Variants in SP100 observed in about 807,000 individuals in gnomAD.
The protein encoded by SP100 is nuclear autoantigen Sp-100.
In SP100, 84 loss-of-function variants were observed where a neutral mutation model predicts 130.0. The observed-to-expected ratio is 0.65, with a 90% CI of 0.54 to 0.77. SP100 has a LOEUF of 0.77. SP100 is among the 30% of genes least tolerant of loss of function. The probability of loss-of-function intolerance (pLI) is 0.00; values close to 1 mark genes in which losing one functional copy is unlikely to be tolerated. For missense variants in SP100, 978 were observed against 1,052.2 expected (o/e 0.93, Z 0.97); for synonymous variants, 331 against 351.7 (o/e 0.94, Z 0.66).
chr2:230,504,131 G>A (rs2067190461), intron 20 of SP100, 55 bp from the exon 21 acceptor site: 1 of 913,124 alleles, frequency 1.1e-6, no homozygotes, highest in Non-Finnish European at 1.8e-6. Flanking sequence ...GGTGGGGAGG[G>A]ACAATGCACA....
chr2:230,503,308 A>G (rs1181084152), intron 20 of SP100, among the ~76,000 whole-genome samples, 198 bp downstream of exon 20: 1 of 152,106 alleles, frequency 6.6e-6, no homozygotes, highest in African/African-American at 2.4e-5. Context: ...TCAACCCCTC[A>G]TGCAGGGTTC....
At chr2:230,438,832 C>T (rs1361250842) in intron 2 of SP100, among the ~76,000 whole-genome samples, 1 of 151,998 alleles carries the variant, frequency 6.6e-6, no homozygotes, top group African/African-American at 2.4e-5. Context: ...AACGCGTGTG[C>T]AAATGTCTTT....
chr2:230,540,874 A>C lies in SP100; in HGVS notation c.2211-2A>C, dbSNP rs775250158. The C allele has an allele frequency of 2.5e-6, 4 of 1,610,548 alleles. No homozygotes were observed. The highest frequency in any genetic ancestry group is 3.4e-6 in the Non-Finnish European group (4 of 1,177,736). ...TTGCTCACTTTATGCCCCATCTCTC[A>C]GGAACCCGTGGAGTTGCATCTTCTG... On this transcript the variant is annotated splice_acceptor_variant, in intron 25 of 28. Coordinates refer to ENST00000340126, the MANE Select transcript of SP100 (RefSeq NM_001080391.2). LOFTEE classifies it high-confidence loss of function.
chr2:230,527,203 C>G (rs1691472131), intron 24 of SP100, among the ~76,000 whole-genome samples: 1 of 152,170 alleles, frequency 6.6e-6, no homozygotes, highest in Admixed American at 6.6e-5. Flanking sequence ...CAAAGGGAAG[C>G]CCATCAGACT....
chr2:230,467,309 G>A (rs910447981), intron 13 of SP100, 94 bp downstream of exon 13: 376 of 875,438 alleles, frequency 4.3e-4, no homozygotes, highest in Non-Finnish European at 1.4e-4. Context: ...CTATCCAGGA[G>A]CCAGTTCTCT....
rs200532450 is a variant in SP100, at chr2:230,442,963, A to G, written c.134A>G (p.Asp45Gly). Residue 45 changes from aspartate to glycine, a missense_variant, in exon 3 of 29, where the codon GAT (aspartate) becomes GGT (glycine). Physicochemically the swap from Asp to Gly is moderately conservative, Grantham distance 94 (BLOSUM62 -1). Coordinates refer to ENST00000340126, the MANE Select transcript of SP100 (RefSeq NM_001080391.2). ...QRMFTEDQGV[D>G]DRLLYDIVFK... ...ATGTTCACGGAAGACCAGGGTGTAG[A>G]TGACAGGCTGCTCTATGACATTGTA... The G allele has an allele frequency of 1.3e-4, 204 of 1,614,028 alleles. No individual in the cohort carries two copies. In the Middle Eastern group the frequency reaches 3.0e-3, roughly 23 times the overall value.
At chr2:230,455,875 G>A (rs1270407188) in intron 8 of SP100, among the ~76,000 whole-genome samples, 1 of 152,094 alleles carries the variant, frequency 6.6e-6, no homozygotes, top group Admixed American at 6.5e-5. Context: ...AATTTTGATT[G>A]CCTACAAAAA....
intron 12 of SP100, among the ~76,000 whole-genome samples, chr2:230,466,612 T>G (rs1032720294): frequency 2.0e-5 from 3 of 152,126 alleles, no homozygotes; most frequent in Admixed American, 6.5e-5. Context: ...TAGTAGAAGT[T>G]TGTATTTTTT....
intron 8 of SP100, among the ~76,000 whole-genome samples, chr2:230,456,276 G>A (rs1215495184): frequency 2.0e-5 from 3 of 152,104 alleles, no homozygotes; most frequent in African/African-American, 7.2e-5. Context: ...AAAGTCCACT[G>A]TTGTCCTTAT....
chr2:230,444,658 C>T (rs1348916892), intron 4 of SP100, among the ~76,000 whole-genome samples: 2 of 152,160 alleles, frequency 1.3e-5, no homozygotes, highest in African/African-American at 2.4e-5. Flanking sequence ...CAGTGGGAGC[C>T]CTTGCAGTGG....
At chr2:230,483,141 T>C (rs1039326224) in intron 17 of SP100, among the ~76,000 whole-genome samples, 2 of 152,178 alleles carry the variant, frequency 1.3e-5, no homozygotes, top group Admixed American at 1.3e-4. Flanking sequence ...ACATTCTACT[T>C]AGGGTATATA....
chr2:230,533,187 C>T (rs967730868), intron 24 of SP100, among the ~76,000 whole-genome samples: 2 of 152,146 alleles, frequency 1.3e-5, no homozygotes, highest in Non-Finnish European at 2.9e-5. Flanking sequence ...ATTATTTATC[C>T]TCATGCTAAA....
chr2:230,431,280 G>T (rs2063091786), intron 2 of SP100, among the ~76,000 whole-genome samples: 1 of 152,196 alleles, frequency 6.6e-6, no homozygotes, highest in African/African-American at 2.4e-5. Context: ...ACAGAATTGG[G>T]CCTCCTAAGA....
In SP100 at chr2:230,440,019, G is replaced by A. The variant is rs114317504; in HGVS notation, c.108-2918G>A. ...TTTTCGAAAGGAAAGAAGGAAGGAA[G>A]GAAAGAAAGACGCAGGAATATGTAT... is the stretch of plus-strand genomic sequence containing the variant. On this transcript the variant is annotated intron_variant, in intron 2 of 28. Transcript: ENST00000340126. 6.2e-3 allele frequency among the ~76,000 whole-genome samples: 938 copies of A among 152,152 alleles called. 5 individuals are homozygous for A. The highest frequency in any genetic ancestry group is 0.021 in the African/African-American group (856 of 41,498).
chr2:230,431,688 C>T (rs1159065223), intron 2 of SP100, among the ~76,000 whole-genome samples: 4 of 151,808 alleles, frequency 2.6e-5, no homozygotes, highest in African/African-American at 9.7e-5. Flanking sequence ...TACTTGATTT[C>T]CCTATTCTCT....
At chr2:230,434,641 G>A (rs945086029) in intron 2 of SP100, among the ~76,000 whole-genome samples, 1 of 152,166 alleles carries the variant, frequency 6.6e-6, no homozygotes, top group African/African-American at 2.4e-5. Context: ...GGAGTGTGGG[G>A]GCAGGCTAAG....
At chr2:230,430,834 C>A (rs1559483459) in intron 2 of SP100, among the ~76,000 whole-genome samples, 1 of 152,342 alleles carries the variant, frequency 6.6e-6, no homozygotes, top group South Asian at 2.1e-4. Flanking sequence ...TGTGCCTGGG[C>A]AGGGTCTCAA....
Position 230,478,155 on chromosome 2 carries a change from G to A in SP100, c.1600+3708G>A, listed in dbSNP as rs74531162. Among the ~76,000 whole-genome samples, 429 of 152,112 alleles carry A rather than the reference G, an allele frequency of 2.8e-3. 1 individual carries two copies. The highest frequency in any genetic ancestry group is 0.01 in the African/African-American group (418 of 41,484). On this transcript the variant is annotated intron_variant, in intron 17 of 28. Coordinates refer to ENST00000340126, the MANE Select transcript of SP100 (RefSeq NM_001080391.2). ...TAATAACTGGAGGGAATTTAAATGA[G>A]ACAAGACTCTCAAAATCTTTATTTA...
At chr2:230,515,728 C>A (rs115914851) in intron 24 of SP100, 1 of 1,519,860 alleles carries the variant, frequency 6.6e-7, no homozygotes. Flanking sequence ...AAAACTTCAA[C>A]GTAAGACTGT....
Sources: gnomAD v4.1 joint callset for allele counts (sites outside exome capture counted in the v4.1 genomes callset) on GRCh38, gnomAD v4.1.1 for gene constraint, MANE v1.5 for transcripts, NCBI Gene and HGNC (gene_info 2026-07-23, HGNC 2026-07-21) for gene names.